The following DNMT3A variants were observed in gnomAD, a reference collection of about 807,000 sequenced individuals.
DNMT3A encodes the protein DNA (cytosine-5)-methyltransferase 3A.
DNMT3A carries 267 observed loss-of-function variants against 117.6 expected under a neutral mutation model. That is an observed-to-expected ratio of 2.27 (90% CI 2.05 to 2.51). The LOEUF is 2.51. Ranked by LOEUF, DNMT3A falls within the 30% of genes most tolerant of loss-of-function variation. The pLI is 0.00. For synonymous variants in DNMT3A, 432 were observed against 474.8 expected (o/e 0.91, Z 1.17); for missense variants, 1,029 against 1,260.2 (o/e 0.82, Z 2.78).
chr2:25,246,671 C>G lies in DNMT3A; in HGVS notation c.1228G>C (p.Ala410Pro), dbSNP rs764880874. ...CCAGAAGGCTGGAAGCCCCCCAGGG[C>G]CCATTCAATCATGGGCTTGTTCTGC... ...EVQNKPMIEW[A>P]LGGFQPSGPK... Residue 410 changes from alanine (A) to proline (P), a missense_variant, in exon 10 of 23, where the codon GCC becomes CCC. Coordinates refer to ENST00000321117, the MANE Select transcript of DNMT3A (RefSeq NM_022552.5). 6.2e-7 allele frequency: 1 copy of G among 1,613,496 alleles called. No homozygotes were observed. Among genetic ancestry groups the G allele is most frequent in the Non-Finnish European group, 8.5e-7 (1 of 1,179,984 alleles).
In DNMT3A at chr2:25,311,013, G is replaced by A. The variant is rs2034082040; in HGVS notation, c.72+2900C>T. ...TTGAGGCTTTGACCAGGGAGGAGAA[G>A]AGATTAGGGAAAGGGCCCATGCGGC... On this transcript the variant is annotated intron_variant, in intron 2 of 22. Coordinates refer to ENST00000321117, the MANE Select transcript of DNMT3A (RefSeq NM_022552.5). The surrounding 1 kb of genome is among the most constrained non-coding windows in gnomAD (Gnocchi z 5.2). 6.6e-6 allele frequency among the ~76,000 whole-genome samples: 1 copy of A among 152,170 alleles called. No homozygotes were observed. Among genetic ancestry groups the A allele is most frequent in the African/African-American group, 2.4e-5 (1 of 41,438 alleles).
intron 1 of DNMT3A, among the ~76,000 whole-genome samples, chr2:25,341,402 G>A (rs923431009): frequency 1.3e-4 from 19 of 145,632 alleles, no homozygotes; most frequent in African/African-American, 4.4e-4. Flanking sequence ...CGCGGGGCTG[G>A]GGCAGAGCCC....
In DNMT3A at chr2:25,252,799, A is replaced by G. The variant is rs1429697390; in HGVS notation, c.640-4547T>C. 6.6e-6 allele frequency among the ~76,000 whole-genome samples: 1 copy of G among 151,790 alleles called. No homozygotes were observed. Among genetic ancestry groups the G allele is most frequent in the Non-Finnish European group, 1.5e-5 (1 of 67,942 alleles). On this transcript the variant is annotated intron_variant, in intron 6 of 22. Transcript: ENST00000321117. This position sits in a 1 kb window ranked among gnomAD's most constrained non-coding sequence, Gnocchi z 5.5. ...AAAAAAAAAGAAAAAGCTTACAGAT[A>G]GGAGGCCCAGGAAGCTGTAGGAAAA...
chr2:25,340,456 T>A (rs1416268431), intron 1 of DNMT3A, among the ~76,000 whole-genome samples: 1 of 151,560 alleles, frequency 6.6e-6, no homozygotes, highest in East Asian at 2.0e-4. Flanking sequence ...GCCCCAGCGA[T>A]GAGGGGCTGG....
At chr2:25,297,552 C>T (rs2033168035) in intron 3 of DNMT3A, among the ~76,000 whole-genome samples, 1 of 150,524 alleles carries the variant, frequency 6.6e-6, no homozygotes, top group Admixed American at 6.6e-5. Flanking sequence ...GCTCTGTTGC[C>T]CAGGCTGGAG....
intron 20 of DNMT3A, among the ~76,000 whole-genome samples, 178 bp downstream of exon 20, chr2:25,238,952 T>G (rs1428076329): frequency 4.6e-5 from 7 of 152,240 alleles, no homozygotes; most frequent in Admixed American, 4.6e-4. Context: ...AGACGAGTAT[T>G]TTCTATACCC....
chr2:25,299,653 G>A (rs142469320), intron 3 of DNMT3A, among the ~76,000 whole-genome samples: 1,953 of 152,256 alleles, frequency 0.013, 33 homozygotes, highest in African/African-American at 0.043. Flanking sequence ...AAATGTGGCC[G>A]GGCGCGGTGG....
chr2:25,241,909 C>T (rs1001896374), intron 16 of DNMT3A: 3 of 630,106 alleles, frequency 4.8e-6, no homozygotes, highest in Admixed American at 3.5e-5. Context: ...TCTCATGCCT[C>T]GTTTGGCCTA....
chr2:25,285,715 G>T (rs2032260245), intron 3 of DNMT3A, among the ~76,000 whole-genome samples: 1 of 152,218 alleles, frequency 6.6e-6, no homozygotes, highest in Admixed American at 6.5e-5. Flanking sequence ...CATCCTGTGT[G>T]TCAGGACCCT....
intron 3 of DNMT3A, among the ~76,000 whole-genome samples, chr2:25,295,006 G>A (rs978667926): frequency 6.6e-6 from 1 of 152,192 alleles, no homozygotes; most frequent in African/African-American, 2.4e-5. Context: ...AATACGCATC[G>A]CTAGTAAATA....
chr2:25,292,373 CA>C (rs5829967), intron 3 of DNMT3A, among the ~76,000 whole-genome samples: 122,199 of 151,856 alleles, frequency 0.8, 49,495 homozygotes, highest in African/African-American at 0.85. Context: ...AAAACAAAAA[CA>C]AAAAAAGCCA....
chr2:25,246,978 C>T (rs532995727), intron 9 of DNMT3A, 73 bp downstream of exon 9: 20 of 1,550,592 alleles, frequency 1.3e-5, no homozygotes, highest in African/African-American at 1.2e-4. Context: ...TGCTCAAGCC[C>T]GACCTGCACT....
At position 25,233,876 on chromosome 2, in the gene DNMT3A, A is replaced by G. The variant is rs1419422575; in HGVS notation, c.*403T>C. On this transcript the variant is annotated 3_prime_UTR_variant, in exon 23 of 23. Transcript: ENST00000321117. ...CTCTCCCACCTTTCCTCTGCAAGGTATTGTTACTATTTTTTGTTACTGATT... is the reference window on the plus strand; with the variant it reads ...CTCTCCCACCTTTCCTCTGCAAGGTGTTGTTACTATTTTTTGTTACTGATT... 4.3e-6 allele frequency: 1 copy of G among 231,514 alleles called. No individual in the cohort carries two copies. Among genetic ancestry groups the G allele is most frequent in the East Asian group, 6.1e-5 (1 of 16,452 alleles). The allele number at this position is 231,514 out of a possible 1,614,324, so 14.3% of individuals were successfully genotyped here. A position where few individuals can be genotyped will look rare whatever the true frequency, so the allele number is the denominator to read the frequency against.
In DNMT3A at chr2:25,247,256, G is replaced by A; in HGVS notation, c.1015-98C>T. On this transcript the variant is annotated intron_variant, in intron 8 of 22. Coordinates refer to ENST00000321117, the MANE Select transcript of DNMT3A (RefSeq NM_022552.5). This position sits in a 1 kb window ranked among gnomAD's most constrained non-coding sequence, Gnocchi z 5.6. ...CAGGGGCTGGGAGCCTCGAGAGTCAGTCTCAGCCCTGGAGGGGACCAGATA... is the reference window on the plus strand; with the variant it reads ...CAGGGGCTGGGAGCCTCGAGAGTCAATCTCAGCCCTGGAGGGGACCAGATA... 1 of 1,234,394 alleles carries A rather than the reference G, an allele frequency of 8.1e-7. No individual in the cohort carries two copies. Among genetic ancestry groups the A allele is most frequent in the South Asian group, 1.3e-5 (1 of 76,428 alleles). The allele number at this position is 1,234,394 out of a possible 1,614,324, so 76.5% of individuals were successfully genotyped here.
At position 25,245,727 on chromosome 2, in the gene DNMT3A, G is replaced by A. The variant is rs529078157; in HGVS notation, c.1474+293C>T. The stretch of plus-strand genomic sequence containing the variant: ...GCGACAGCCCCAGGATGAGAGAGGT[G>A]AGCAAAGGTGAAAGGCTGAAAGGGG... On this transcript the variant is annotated intron_variant, in intron 12 of 22. Transcript: ENST00000321117. Among the ~76,000 whole-genome samples, 7 of 152,350 alleles carry A rather than the reference G, an allele frequency of 4.6e-5. No homozygotes were observed. In the East Asian group the frequency reaches 9.7e-4, roughly 21 times the overall value.
At chr2:25,307,427 G>A (rs184301200) in intron 2 of DNMT3A, among the ~76,000 whole-genome samples, 1 of 149,086 alleles carries the variant, frequency 6.7e-6, no homozygotes, top group Non-Finnish European at 1.5e-5. Flanking sequence ...CGAAGGGCTA[G>A]GATTACAGGC....
chr2:25,248,794 C>T (rs970449755), intron 6 of DNMT3A, among the ~76,000 whole-genome samples: 9 of 152,082 alleles, frequency 5.9e-5, no homozygotes, highest in Non-Finnish European at 1.2e-4. Flanking sequence ...GTGATTTGCC[C>T]GCCTCAGCCT....
At position 25,252,634 on chromosome 2, in the gene DNMT3A, G is replaced by A. The variant is rs961647335; in HGVS notation, c.640-4382C>T. Among the ~76,000 whole-genome samples the A allele has an allele frequency of 4.4e-4, 67 of 152,262 alleles. No homozygotes were observed. The highest frequency in any genetic ancestry group is 1.5e-3 in the African/African-American group (64 of 41,560). ...TTAGCGCGGGGCCGGGGGGCCGGGA[G>A]GGGAGGGAAGGGGCTGCTCCCGAGC... On this transcript the variant is annotated intron_variant, in intron 6 of 22. Coordinates refer to ENST00000321117, the MANE Select transcript of DNMT3A (RefSeq NM_022552.5). This position sits in a 1 kb window ranked among gnomAD's most constrained non-coding sequence, Gnocchi z 5.5.
rs924291654 is a variant in DNMT3A at position 25,296,118 on chromosome 2, A to G, written c.177+4021T>C. ...GTTCTGTACCGACAGGTGACAACAA[A>G]TGCTTCTCAAAGTGAGGTCTGCAGA... On this transcript the variant is annotated intron_variant, in intron 3 of 22. Transcript: ENST00000321117. The surrounding 1 kb of genome is among the most constrained non-coding windows in gnomAD (Gnocchi z 4.2). Among the ~76,000 whole-genome samples, 2 of 152,244 alleles carry G rather than the reference A, an allele frequency of 1.3e-5. No homozygotes were observed. The highest frequency in any genetic ancestry group is 4.8e-5 in the African/African-American group (2 of 41,460).
Sources: allele counts gnomAD v4.1 joint callset (sites outside exome capture counted in the v4.1 genomes callset), GRCh38; gene constraint gnomAD v4.1.1; non-coding constraint Gnocchi (gnomAD v3.1); transcripts MANE v1.5; gene names NCBI Gene and HGNC (gene_info 2026-07-23, HGNC 2026-07-21).